The following GPR39 variants were observed in gnomAD, a reference collection of about 807,000 sequenced individuals.
GPR39 encodes the protein zinc sensing receptor.
GPR39 carries 23 observed loss-of-function variants against 18.4 expected under a neutral mutation model. The ratio of observed to expected loss-of-function variants is 1.25; its 90% CI spans 0.90 to 1.77. GPR39 has a LOEUF of 1.77. Ranked by LOEUF, GPR39 falls within the 40% of genes most tolerant of loss-of-function variation. The pLI is 0.00. For synonymous variants in GPR39, 280 were observed against 257.9 expected (o/e 1.09, Z -0.82); for missense variants, 647 against 602.4 (o/e 1.07, Z -0.78).
At chr2:132,557,441 T>C (rs959052644) in intron 1 of GPR39, among the ~76,000 whole-genome samples, 2 of 152,220 alleles carry the variant, frequency 1.3e-5, no homozygotes, top group Non-Finnish European at 2.9e-5. Context: ...ATTCTTTCTC[T>C]TGCAGAAAAC....
chr2:132,467,647 G>C (rs960256098), intron 1 of GPR39, among the ~76,000 whole-genome samples: 1 of 152,168 alleles, frequency 6.6e-6, no homozygotes, highest in Non-Finnish European at 1.5e-5. Flanking sequence ...TCTCTCCATA[G>C]TCAAGTTGGT....
chr2:132,591,328 C>T (rs1680840050), intron 1 of GPR39, among the ~76,000 whole-genome samples: 1 of 151,188 alleles, frequency 6.6e-6, no homozygotes, highest in African/African-American at 2.4e-5. Flanking sequence ...AGTCTTCTGG[C>T]CTCCATCTTT....
At chr2:132,436,532 A>G (rs1680321841) in intron 1 of GPR39, among the ~76,000 whole-genome samples, 1 of 152,174 alleles carries the variant, frequency 6.6e-6, no homozygotes, top group Non-Finnish European at 1.5e-5. Flanking sequence ...TAATAATAAT[A>G]ATGAGAACGT....
chr2:132,537,282 G>A (rs773710829), intron 1 of GPR39, among the ~76,000 whole-genome samples: 2 of 152,096 alleles, frequency 1.3e-5, no homozygotes, highest in Admixed American at 6.6e-5. Flanking sequence ...AAATCCCTTA[G>A]CATTTGCTTA....
intron 1 of GPR39, among the ~76,000 whole-genome samples, chr2:132,635,540 A>G (rs1681736492): frequency 6.6e-6 from 1 of 152,098 alleles, no homozygotes; most frequent in South Asian, 2.1e-4. Context: ...AATAGGGAGG[A>G]AGGAAGAGAG....
intron 1 of GPR39, among the ~76,000 whole-genome samples, chr2:132,445,361 A>G (rs1680515945): frequency 6.6e-6 from 1 of 152,194 alleles, no homozygotes; most frequent in South Asian, 2.1e-4. Flanking sequence ...AAACTGATTC[A>G]TATCCCTAGA....
chr2:132,503,332 C>T (rs4476401), intron 1 of GPR39, among the ~76,000 whole-genome samples: 146,370 of 152,218 alleles, frequency 0.96, 70,623 homozygotes, highest in Non-Finnish European at 1. Context: ...CTAGTGATTA[C>T]TTTTGCTCTT....
intron 1 of GPR39, among the ~76,000 whole-genome samples, chr2:132,474,532 C>A (rs922326355): frequency 6.6e-6 from 1 of 152,202 alleles, no homozygotes. Flanking sequence ...CTGATGACAA[C>A]CTTCAGCTCA....
chr2:132,639,924 G>GT (rs906363899), intron 1 of GPR39, among the ~76,000 whole-genome samples: 6 of 149,538 alleles, frequency 4.0e-5, no homozygotes, highest in Non-Finnish European at 7.4e-5. Flanking sequence ...TAAAATTACA[G>GT]TTAAAAAAAA....
At chr2:132,474,695 C>T (rs188741355) in intron 1 of GPR39, among the ~76,000 whole-genome samples, 12 of 152,246 alleles carry the variant, frequency 7.9e-5, no homozygotes, top group African/African-American at 2.2e-4. Context: ...CCAGTTGCTA[C>T]TCCAGCCTTG....
chr2:132,646,456 G>A lies in GPR39; in HGVS notation c.*850G>A, dbSNP rs114632130. The A allele has an allele frequency of 0.01, 4,238 of 414,638 alleles. 159 individuals carry two copies. Among genetic ancestry groups the A allele is most frequent in the African/African-American group, 0.078 (3,797 of 48,992 alleles). 25.7% of individuals were successfully genotyped at this position (414,638 alleles called of 1,614,324 possible). On this transcript the variant is annotated 3_prime_UTR_variant, in exon 2 of 2. Coordinates refer to ENST00000329321, the MANE Select transcript of GPR39 (RefSeq NM_001508.3). ...TTGATATTCAAGATAGATGGTGAAA[G>A]AGACAGGCACTATTTCATTAGTTTT...
chr2:132,646,276 G>A lies in GPR39; in HGVS notation c.*670G>A, dbSNP rs1361211938. On this transcript the variant is annotated 3_prime_UTR_variant, in exon 2 of 2. Coordinates refer to ENST00000329321, the MANE Select transcript of GPR39 (RefSeq NM_001508.3). ...ATGATGCACAGGACTTGCGGTACAT[G>A]ATCCCTGTAACACAGACCCAAAGGA... 10 of 1,540,466 alleles carry A rather than the reference G, an allele frequency of 6.5e-6. No individual in the cohort carries two copies. Among genetic ancestry groups the A allele is most frequent in the Non-Finnish European group, 8.8e-6 (10 of 1,139,610 alleles).
intron 1 of GPR39, among the ~76,000 whole-genome samples, chr2:132,637,331 C>A (rs918295169): frequency 2.0e-4 from 31 of 152,222 alleles, no homozygotes; most frequent in African/African-American, 7.2e-4. Context: ...TAGCAAATTG[C>A]AGCCCATTTG....
At chr2:132,430,641 G>A (rs565599016) in intron 1 of GPR39, among the ~76,000 whole-genome samples, 1 of 152,278 alleles carries the variant, frequency 6.6e-6, no homozygotes, top group Non-Finnish European at 1.5e-5. Flanking sequence ...TCCATCCAGG[G>A]ATGAGAACCT....
At chr2:132,516,634 T>C (rs545591437) in intron 1 of GPR39, among the ~76,000 whole-genome samples, 4 of 152,318 alleles carry the variant, frequency 2.6e-5, no homozygotes, top group African/African-American at 9.6e-5. Flanking sequence ...AGGAAAGGTA[T>C]TCTCACATTT....
At chr2:132,459,699 A>C (rs113691481) in intron 1 of GPR39, among the ~76,000 whole-genome samples, 1,640 of 152,316 alleles carry the variant, frequency 0.011, 29 homozygotes, top group African/African-American at 0.037. Context: ...ATTGAATTAG[A>C]TAGCTGTGTA....
At chr2:132,505,063 A>T (rs1467127691) in intron 1 of GPR39, among the ~76,000 whole-genome samples, 1 of 147,874 alleles carries the variant, frequency 6.8e-6, no homozygotes, top group Non-Finnish European at 1.5e-5. Context: ...CTAAAACTGG[A>T]TAATTAAGAA....
intron 1 of GPR39, among the ~76,000 whole-genome samples, chr2:132,641,768 C>G (rs1003443686): frequency 6.6e-6 from 1 of 152,186 alleles, no homozygotes; most frequent in Non-Finnish European, 1.5e-5. Context: ...ATATATGGCT[C>G]ACATTCTGTA....
intron 1 of GPR39, among the ~76,000 whole-genome samples, chr2:132,578,507 G>A (rs1680567227): frequency 6.6e-6 from 1 of 152,222 alleles, no homozygotes; most frequent in Non-Finnish European, 1.5e-5. Context: ...GTGGATTTTG[G>A]TGGGGGGAGA....
Sources: gnomAD v4.1 joint callset for allele counts (sites outside exome capture counted in the v4.1 genomes callset) on GRCh38, gnomAD v4.1.1 for gene constraint, MANE v1.5 for transcripts, NCBI Gene and HGNC (gene_info 2026-07-23, HGNC 2026-07-21) for gene names.